The following HSPA9 variants were observed in gnomAD, a reference collection of about 807,000 sequenced individuals.
The protein encoded by HSPA9 is heat shock protein family A (Hsp70) member 9.
In HSPA9, 28 loss-of-function variants were observed where a neutral mutation model predicts 81.5. The observed-to-expected ratio is 0.34, with a 90% confidence interval of 0.25 to 0.47. The LOEUF (loss-of-function observed/expected upper bound fraction) is 0.47. Ranked by LOEUF, HSPA9 falls within the 20% of genes least tolerant of loss-of-function variation. HSPA9 has a pLI of 1.00. For missense variants in HSPA9, 678 were observed against 838.0 expected (o/e 0.81, Z 2.36); for synonymous variants, 293 against 290.4 (o/e 1.01, Z -0.09).
Position 138,575,363 on chromosome 5 carries a change from C to A in HSPA9, c.-45G>T, listed in dbSNP as rs756763883. On this transcript the variant is annotated 5_prime_UTR_variant, in exon 1 of 17. Coordinates refer to ENST00000297185, the MANE Select transcript of HSPA9 (RefSeq NM_004134.7). ...ACGAGGCAGCAAACAAGCGCTCCGACGGCAAAGAGCTGCGCGATGCGGTGG... is the reference window on the plus strand; with the variant it reads ...ACGAGGCAGCAAACAAGCGCTCCGAAGGCAAAGAGCTGCGCGATGCGGTGG... 10 of 1,489,358 alleles carry A rather than the reference C, an allele frequency of 6.7e-6. No homozygotes were observed. The highest frequency in any genetic ancestry group is 1.1e-5 in the South Asian group (1 of 87,248). 92.3% of individuals were successfully genotyped at this position (1,489,358 alleles called of 1,614,324 possible). A position where few individuals can be genotyped will look rare whatever the true frequency, so the allele number is the denominator to read the frequency against.
At chr5:138,560,741 G>A (rs766907239) in intron 10 of HSPA9, 127 of 300,480 alleles carry the variant, frequency 4.2e-4, no homozygotes, top group Non-Finnish European at 7.9e-4. Context: ...GTAGAGACAG[G>A]GTTTCACCGT....
chr5:138,560,436 A>G (rs1453799037), intron 10 of HSPA9, among the ~76,000 whole-genome samples: 1 of 152,250 alleles, frequency 6.6e-6, no homozygotes, highest in Non-Finnish European at 1.5e-5. Context: ...TATATTATCA[A>G]CTAAAGACCA....
At chr5:138,566,544 G>C in intron 9 of HSPA9, 82 bp downstream of exon 9, 1 of 1,010,190 alleles carries the variant, frequency 9.9e-7, no homozygotes, top group African/African-American at 1.6e-5. Context: ...CTGACATTAG[G>C]CCAATTAGAA....
chr5:138,561,022 G>T (rs1416011488), intron 10 of HSPA9: 1 of 488,706 alleles, frequency 2.0e-6, no homozygotes, highest in Admixed American at 2.0e-5. Context: ...CTACCAAGAA[G>T]AACTGCATCT....
intron 4 of HSPA9, among the ~76,000 whole-genome samples, chr5:138,569,990 G>A (rs959958634): frequency 2.0e-5 from 3 of 151,326 alleles, no homozygotes; most frequent in Non-Finnish European, 4.4e-5. Context: ...GCCCCTCAAC[G>A]CTCAAGCCTC....
intron 10 of HSPA9, 27 bp from the exon 11 acceptor site, chr5:138,560,118 C>A (rs1464846420): frequency 1.9e-6 from 3 of 1,572,862 alleles, no homozygotes; most frequent in South Asian, 2.2e-5. Flanking sequence ...AAGAACCTGT[C>A]GGCCCACACT....
intron 3 of HSPA9, among the ~76,000 whole-genome samples, chr5:138,571,981 CAG>C (rs1263500272): frequency 3.5e-4 from 1 of 2,896 alleles, no homozygotes; most frequent in Non-Finnish European, 1.3e-3. Context: ...TTTTTTGAGA[CAG>C]AGTCTCACTG....
At chr5:138,574,516 A>G (rs372955626) in intron 1 of HSPA9, among the ~76,000 whole-genome samples, 12 of 152,238 alleles carry the variant, frequency 7.9e-5, no homozygotes, top group African/African-American at 2.4e-4. Context: ...CTTGCCGTGC[A>G]ATTAGTTTAA....
Position 138,561,581 on chromosome 5 carries a change from T to A in HSPA9, c.1181A>T (p.Lys394Met). The change falls in exon 10 of 17, where the codon AAG becomes ATG. Residue 394 changes from lysine to methionine, a missense_variant and splice_region_variant. By Grantham distance (95) the Lys-to-Met change is moderately conservative (BLOSUM62 -1). This residue lies in a region of HSPA9 where 484 missense variants were observed against 647.5 expected (regional missense o/e 0.75). Transcript: ENST00000297185. ...CGACAGAATTCCACTGGTCCATACC[T>A]TGGGCATCCTAGTCATGCCACCCAC... Reference protein sequence around the residue: ...ILVGGMTRMPKVQQTVQDLFG... With the variant: ...ILVGGMTRMPMVQQTVQDLFG... The A allele has an allele frequency of 2.5e-6, 4 of 1,610,884 alleles. No homozygotes were observed. The highest frequency in any genetic ancestry group is 2.5e-6 in the Non-Finnish European group (3 of 1,178,170).
At chr5:138,557,291 G>A (rs1298639875) in intron 14 of HSPA9, 111 bp downstream of exon 14, 14 of 781,626 alleles carry the variant, frequency 1.8e-5, no homozygotes, top group South Asian at 1.5e-4. Context: ...CCTTGGCAGT[G>A]GGCTTACAGT....
rs756654843 is a variant in HSPA9, at chr5:138,561,689, A to G, written c.1073T>C (p.Leu358Pro). 5.3e-5 allele frequency: 86 copies of G among 1,614,042 alleles called. No individual in the cohort carries two copies. Among genetic ancestry groups the G allele is most frequent in the Middle Eastern group, 3.3e-4 (2 of 6,084 alleles). ...GCATGGAGCGATAGTCCTTCTGATT[A>G]GATCAGTGACAATCCCTTCAAATTG... Reference protein sequence around the residue: ...RAQFEGIVTDLIRRTIAPCQK... With the variant: ...RAQFEGIVTDPIRRTIAPCQK... Residue 358 changes from leucine to proline, a missense_variant, in exon 10 of 17, where the codon CTA (leucine) becomes CCA (proline). This residue lies in a region of HSPA9 where 484 missense variants were observed against 647.5 expected (regional missense o/e 0.75). Coordinates refer to ENST00000297185, the MANE Select transcript of HSPA9 (RefSeq NM_004134.7).
At position 138,555,992 on chromosome 5, in the gene HSPA9, T is replaced by A. The variant is rs1561855847; in HGVS notation, c.*45A>T. 7.1e-7 allele frequency: 1 copy of A among 1,414,314 alleles called. No individual in the cohort carries two copies. 87.6% of individuals were successfully genotyped at this position (1,414,314 alleles called of 1,614,324 possible). ...TCTGCTCAGGAAGTCTCTTCACTCCTAAGCTTCATATGTTGTCCTTCTGGC... is the reference window on the plus strand; with the variant it reads ...TCTGCTCAGGAAGTCTCTTCACTCCAAAGCTTCATATGTTGTCCTTCTGGC... On this transcript the variant is annotated 3_prime_UTR_variant, in exon 17 of 17. Coordinates refer to ENST00000297185, the MANE Select transcript of HSPA9 (RefSeq NM_004134.7).
intron 9 of HSPA9, 68 bp downstream of exon 9, chr5:138,566,558 A>C (rs963701961): frequency 2.1e-5 from 23 of 1,108,048 alleles, no homozygotes; most frequent in Non-Finnish European, 2.8e-5. Flanking sequence ...ATTAGAAAAT[A>C]CTATTTATTT....
At position 138,555,068 on chromosome 5, in the gene HSPA9, A is replaced by G. The variant is rs185873014; in HGVS notation, c.*969T>C. The G allele has an allele frequency of 1.3e-4, 19 of 146,446 alleles. No homozygotes were observed. The highest frequency in any genetic ancestry group is 5.1e-4 in the African/African-American group (19 of 37,022). 9.1% of individuals were successfully genotyped at this position (146,446 alleles called of 1,614,324 possible). On this transcript the variant is annotated 3_prime_UTR_variant, in exon 17 of 17. Coordinates refer to ENST00000297185, the MANE Select transcript of HSPA9 (RefSeq NM_004134.7). ...CTAAAAACTTTCATGTTAGAGATCTAGAAACTTTCATGTTAGAGATCTAGA... is the reference window on the plus strand; with the variant it reads ...CTAAAAACTTTCATGTTAGAGATCTGGAAACTTTCATGTTAGAGATCTAGA...
At chr5:138,567,388 T>C (rs573820403) in intron 7 of HSPA9, 67 bp downstream of exon 7, 29 of 1,269,758 alleles carry the variant, frequency 2.3e-5, no homozygotes, top group East Asian at 1.8e-4. Flanking sequence ...AAAGGCTCAA[T>C]TACTAAAAAA....
chr5:138,566,520 CA>C (rs1233178519), intron 9 of HSPA9, 105 bp downstream of exon 9: 15 of 861,612 alleles, frequency 1.7e-5, no homozygotes, highest in Non-Finnish European at 2.0e-5. Flanking sequence ...AACAAACAAA[CA>C]AAAAAAACTC....
chr5:138,566,686 T>G lies in HSPA9; in HGVS notation c.912A>C (p.Ala304=), dbSNP rs749567058. ...CAGCAGCTTCCCGTACCCTCTGAAG[T>G]GCCATGTTGTCTTTAGTCAAATCAA... ...TGVDLTKDNM[A]LQRVREAAEK... is the part of the protein sequence containing the mutation. Residue 304 remains alanine (A), a synonymous_variant, in exon 9 of 17, where the codon GCA becomes GCC. Coordinates refer to ENST00000297185, the MANE Select transcript of HSPA9 (RefSeq NM_004134.7). 16 of 1,613,930 alleles carry G rather than the reference T, an allele frequency of 9.9e-6. No homozygotes were observed. The East Asian group carries it at 3.3e-4, about 34-fold the overall frequency.
intron 3 of HSPA9, 135 bp from the exon 4 acceptor site, chr5:138,571,276 GT>G: frequency 1.2e-6 from 1 of 841,544 alleles, no homozygotes; most frequent in Non-Finnish European, 1.9e-6. Context: ...CGCATCCTGG[GT>G]TCAAGCGATT....
chr5:138,562,714 A>G (rs1021338661), intron 9 of HSPA9, among the ~76,000 whole-genome samples: 1 of 152,324 alleles, frequency 6.6e-6, no homozygotes, highest in South Asian at 2.1e-4. Flanking sequence ...TTAGAACCAC[A>G]CTACTGATGT....
Sources: allele counts gnomAD v4.1 joint callset (sites outside exome capture counted in the v4.1 genomes callset), GRCh38; gene constraint gnomAD v4.1.1; regional missense constraint gnomAD v4.1.1; transcripts MANE v1.5; gene names NCBI Gene and HGNC (gene_info 2026-07-23, HGNC 2026-07-21).